The following RELCH variants were observed in gnomAD, a reference collection of about 807,000 sequenced individuals.
RELCH encodes the protein RAB11-binding protein RELCH.
A neutral mutation model predicts 150.3 loss-of-function variants in RELCH; 41 were observed. The observed-to-expected ratio is 0.27, with a 90% CI of 0.21 to 0.35. The LOEUF (loss-of-function observed/expected upper bound fraction) is 0.35, where lower values mean the gene tolerates loss of function less well. Among genes scored for constraint, RELCH ranks in the 10% least tolerant of loss-of-function variants. RELCH has a pLI of 1.00. For synonymous variants in RELCH, 478 were observed against 531.8 expected (o/e 0.90, Z 1.39); for missense variants, 1,092 against 1,467.8 (o/e 0.74, Z 4.18).
chr18:62,205,159 G>A (rs534861159), intron 1 of RELCH, among the ~76,000 whole-genome samples: 13 of 152,064 alleles, frequency 8.5e-5, no homozygotes, highest in African/African-American at 1.4e-4. Context: ...ATATCAGTAC[G>A]CTTAATACTT....
rs369130664 is a variant in RELCH, at chr18:62,275,513, A to ATT, written c.2967+52_2967+53dup. 10,263 of 1,047,388 alleles carry ATT rather than the reference A, an allele frequency of 9.8e-3. 1 individual carries two copies. The highest frequency in any genetic ancestry group is 0.012 in the Non-Finnish European group (8,504 of 717,626). The allele number at this position is 1,047,388 out of a possible 1,614,324, so 64.9% of individuals were successfully genotyped here. A position where few individuals can be genotyped will look rare whatever the true frequency, so the allele number is the denominator to read the frequency against. On this transcript the variant is annotated intron_variant, in intron 22 of 28. Transcript: ENST00000644646. ...GCCTCTGTTGGTTTCAATTATAATG[A>ATT]TTTTTTTTTTTTTGCGAAGAAGAAG...
intron 1 of RELCH, among the ~76,000 whole-genome samples, chr18:62,208,161 CTCCT>C (rs1296589049): frequency 2.0e-5 from 3 of 151,366 alleles, no homozygotes; most frequent in African/African-American, 7.3e-5. Context: ...TTGAGCATCT[CTCCT>C]TCATTCATTG....
At position 62,274,018 on chromosome 18, in the gene RELCH, T is replaced by G. The variant is rs1180951109; in HGVS notation, c.2799T>G (p.Asp933Glu). ...AACTGTTAGTTGGATTCTTAGAAGA[T>G]GTAATGACGCTGCTTTCATTATCTC... ...DRKLLVGFLE[D>E]VMTLLSLSHA... The change falls in exon 21 of 29, where the codon GAT becomes GAG. Residue 933 changes from aspartate (D) to glutamate (E), a missense_variant. Asp to Glu is a conservative substitution (Grantham distance 45). Transcript: ENST00000644646. 1.2e-6 allele frequency: 2 copies of G among 1,612,958 alleles called. No homozygotes were observed. The highest frequency in any genetic ancestry group is 8.5e-7 in the Non-Finnish European group (1 of 1,179,354).
At position 62,227,327 on chromosome 18, in the gene RELCH, A is replaced by C. The variant is rs766341220; in HGVS notation, c.897A>C (p.Pro299=). Residue 299 remains proline (P), a synonymous_variant, in exon 6 of 29, where the codon CCA becomes CCC. Transcript: ENST00000644646. The part of the protein sequence containing the change: ...ELWDDVGLNI[P]KPPDLLQLYR... ...GGGATGATGTAGGATTAAACATTCC[A>C]AAACCTCCAGACTTATTGCAACTCT... 6.2e-7 allele frequency: 1 copy of C among 1,611,898 alleles called. No homozygotes were observed. Among genetic ancestry groups the C allele is most frequent in the Non-Finnish European group, 8.5e-7 (1 of 1,178,388 alleles).
At chr18:62,216,674 A>C (rs547547742) in intron 2 of RELCH, among the ~76,000 whole-genome samples, 25 of 152,088 alleles carry the variant, frequency 1.6e-4, no homozygotes, top group Non-Finnish European at 1.3e-4. Context: ...GTACAGACAT[A>C]TGAAGCCTTT....
chr18:62,273,934 C>A, intron 20 of RELCH, 46 bp from the exon 21 acceptor site: 1 of 1,171,198 alleles, frequency 8.5e-7, no homozygotes, highest in South Asian at 1.3e-5. Context: ...GTATTTAGTT[C>A]TACTTGATTG....
chr18:62,278,528 T>C (rs2044336511), intron 22 of RELCH, among the ~76,000 whole-genome samples: 1 of 152,134 alleles, frequency 6.6e-6, no homozygotes, highest in African/African-American at 2.4e-5. Context: ...TGATGTGTTA[T>C]ATAGGAGGAA....
At chr18:62,235,019 T>C (rs1047484821) in intron 10 of RELCH, 1 of 151,908 alleles carries the variant, frequency 6.6e-6, no homozygotes, top group Non-Finnish European at 1.5e-5. Flanking sequence ...AGTCAATCAA[T>C]GTTATAGAAG....
rs146246701 is a variant in RELCH at position 62,266,873 on chromosome 18, T to C, written c.2680+124T>C. 424 of 590,816 alleles carry C rather than the reference T, an allele frequency of 7.2e-4. 5 individuals carry two copies. In the African/African-American group the frequency reaches 7.4e-3, roughly 10 times the overall value. 36.6% of individuals were successfully genotyped at this position (590,816 alleles called of 1,614,324 possible). On this transcript the variant is annotated intron_variant, in intron 19 of 28. Transcript: ENST00000644646. ...AACTACAATTGAAAAGGAAAACTTA[T>C]ATTATGGAGTTCTTGGTTTTATAAC...
At chr18:62,229,518 G>GTGTGTGTGTGTGTGTCTGTC (rs539055675) in intron 8 of RELCH, among the ~76,000 whole-genome samples, 21 of 147,640 alleles carry the variant, frequency 1.4e-4, no homozygotes, top group African/African-American at 2.7e-4. Context: ...GTGTGTGTGT[G>GTGTGTGTGTGTGTGTCTGTC]TGTCTGTCTG....
At chr18:62,214,544 T>C (rs2040368058) in intron 2 of RELCH, among the ~76,000 whole-genome samples, 1 of 152,190 alleles carries the variant, frequency 6.6e-6, no homozygotes, top group Non-Finnish European at 1.5e-5. Flanking sequence ...ACAGCTCCTC[T>C]TGACATTGCT....
chr18:62,305,571 A>T lies in RELCH; in HGVS notation c.*37A>T. On this transcript the variant is annotated 3_prime_UTR_variant, in exon 29 of 29. Transcript: ENST00000644646. The surrounding 1 kb of genome is among the most constrained non-coding windows in gnomAD (Gnocchi z 4.0). ...AAGCCCCCAGTAAACACTAAGATGG[A>T]CCTCAAGCCGACTGGTTCCTTGTAC... 6.4e-7 allele frequency: 1 copy of T among 1,569,058 alleles called. No homozygotes were observed. The highest frequency in any genetic ancestry group is 8.6e-7 in the Non-Finnish European group (1 of 1,161,058).
In RELCH at chr18:62,187,567, A is replaced by ATTCGGGG; in HGVS notation, c.67_68insGGTTCGG (p.Asp23GlyfsTer4). On this transcript the variant is annotated frameshift_variant, in exon 1 of 29. Transcript: ENST00000644646. LOFTEE classifies it high-confidence loss of function. ...GGCGGCGTGAATCCATTTCTCAGTG[A>ATTCGGGG]TTCGGATGAGGACGATGACGAGGTA... The ATTCGGGG allele has an allele frequency of 6.6e-7, 1 of 1,519,550 alleles. No individual in the cohort carries two copies. Among genetic ancestry groups the ATTCGGGG allele is most frequent in the South Asian group, 1.3e-5 (1 of 76,006 alleles). 94.1% of individuals were successfully genotyped at this position (1,519,550 alleles called of 1,614,324 possible). A position where few individuals can be genotyped will look rare whatever the true frequency, so the allele number is the denominator to read the frequency against.
chr18:62,227,239 T>G (rs751659877), intron 5 of RELCH, 50 bp from the exon 6 acceptor site: 1 of 1,247,042 alleles, frequency 8.0e-7, no homozygotes, highest in Non-Finnish European at 1.1e-6. Flanking sequence ...TTCAAAAATG[T>G]AAGATAAAAT....
At chr18:62,256,433 T>C (rs1178719646) in intron 13 of RELCH, among the ~76,000 whole-genome samples, 1 of 152,030 alleles carries the variant, frequency 6.6e-6, no homozygotes. Context: ...AAATGCCTTA[T>C]TGTTGTGATA....
chr18:62,272,407 G>A (rs2043953499), intron 20 of RELCH, among the ~76,000 whole-genome samples: 1 of 152,038 alleles, frequency 6.6e-6, no homozygotes, highest in Non-Finnish European at 1.5e-5. Flanking sequence ...CAAGAACAAG[G>A]TTTGGCTCAT....
At chr18:62,203,120 G>A (rs1237390189) in intron 1 of RELCH, among the ~76,000 whole-genome samples, 1 of 152,100 alleles carries the variant, frequency 6.6e-6, no homozygotes, top group Non-Finnish European at 1.5e-5. Context: ...GACATGAATA[G>A]ATAATTCACA....
At chr18:62,302,316 G>A (rs2045699869) in intron 28 of RELCH, among the ~76,000 whole-genome samples, 1 of 152,172 alleles carries the variant, frequency 6.6e-6, no homozygotes, top group Non-Finnish European at 1.5e-5. Flanking sequence ...AGAACCATTA[G>A]CAGCATATGG....
intron 27 of RELCH, among the ~76,000 whole-genome samples, chr18:62,297,253 C>T (rs1308580266): frequency 6.6e-6 from 1 of 152,110 alleles, no homozygotes; most frequent in Admixed American, 6.5e-5. Context: ...TTTATACCTA[C>T]AGGAGAAAAA....
Sources: allele counts gnomAD v4.1 joint callset (sites outside exome capture counted in the v4.1 genomes callset), GRCh38; gene constraint gnomAD v4.1.1; non-coding constraint Gnocchi (gnomAD v3.1); transcripts MANE v1.5; gene names NCBI Gene and HGNC (gene_info 2026-07-23, HGNC 2026-07-21).